The following SLC6A3 variants were observed in gnomAD, a reference collection of about 807,000 sequenced individuals.
SLC6A3 encodes sodium-dependent dopamine transporter.
SLC6A3 carries 19 observed loss-of-function variants against 70.4 expected under a neutral mutation model. That is an observed-to-expected ratio of 0.27 (90% CI 0.19 to 0.40). The LOEUF (loss-of-function observed/expected upper bound fraction) is 0.40. SLC6A3 is among the 10% of genes least tolerant of loss of function. The pLI, the probability that SLC6A3 is intolerant of heterozygous loss-of-function variation, is 1.00. For missense variants in SLC6A3, 613 were observed against 838.5 expected (o/e 0.73, Z 3.32); for synonymous variants, 368 against 356.6 (o/e 1.03, Z -0.36).
chr5:1,404,859 G>A lies in SLC6A3; in HGVS notation c.1599+1329C>T, dbSNP rs1278239614. 1.3e-5 allele frequency among the ~76,000 whole-genome samples: 2 copies of A among 152,230 alleles called. No individual in the cohort carries two copies. The highest frequency in any genetic ancestry group is 2.1e-4 in the South Asian group (1 of 4,834). Reference sequence around the variant, plus strand: ...CGAAGTGTGTTTCTGTATGAAGTTCGAAGATTTAGTCTAAGATCAGTAGAA... The same window carrying A: ...CGAAGTGTGTTTCTGTATGAAGTTCAAAGATTTAGTCTAAGATCAGTAGAA... On this transcript the variant is annotated intron_variant, in intron 12 of 14. Transcript: ENST00000270349. This position sits in a 1 kb window ranked among gnomAD's most constrained non-coding sequence, Gnocchi z 5.2.
chr5:1,440,428 T>C (rs1248856911), intron 3 of SLC6A3, among the ~76,000 whole-genome samples: 1 of 152,046 alleles, frequency 6.6e-6, no homozygotes, highest in African/African-American at 2.4e-5. Flanking sequence ...AATGGATTGA[T>C]AGGTGGATGG....
rs201684311 is a variant in SLC6A3 at position 1,443,147 on chromosome 5, C to T, written c.51G>A (p.Pro17=). Residue 17 remains proline (P), a synonymous_variant, in exon 2 of 15, where the codon CCG becomes CCA. Transcript: ENST00000270349. ...SVGLMSSVVA[P]AKEPNAVGPK... is the part of the protein sequence containing the mutation. The stretch of plus-strand genomic sequence containing the variant: ...GGCCCACGGCATTGGGCTCCTTAGC[C>T]GGGGCCACCACGGAAGACATGAGTC... 49 of 1,614,252 alleles carry T rather than the reference C, an allele frequency of 3.0e-5. No homozygotes were observed. Among genetic ancestry groups the T allele is most frequent in the Admixed American group, 5.0e-5 (3 of 60,034 alleles).
chr5:1,411,313 G>T lies in SLC6A3; in HGVS notation c.1199C>A (p.Thr400Lys). The T allele has an allele frequency of 1.3e-6, 2 of 1,554,176 alleles. No individual in the cohort carries two copies. The highest frequency in any genetic ancestry group is 1.7e-6 in the Non-Finnish European group (2 of 1,148,714). The change falls in exon 9 of 15, where the codon ACG becomes AAG. Residue 400 changes from threonine (T) to lysine (K), a missense_variant. By Grantham distance (78) the Thr-to-Lys change is moderately conservative (BLOSUM62 -1). Coordinates refer to ENST00000270349, the MANE Select transcript of SLC6A3 (RefSeq NM_001044.5). The surrounding 1 kb of genome is among the most constrained non-coding windows in gnomAD (Gnocchi z 6.5). ...IFIIYPEAIA[T>K]LPLSSAWAVV... The stretch of plus-strand genomic sequence containing the variant: ...GGCCCAGGCTGAGGACAGAGGGAGC[G>T]TGGCGATGGCTTCCGGGTAGATGAT...
intron 3 of SLC6A3, among the ~76,000 whole-genome samples, chr5:1,440,459 T>C (rs1473139307): frequency 6.6e-6 from 1 of 152,058 alleles, no homozygotes; most frequent in African/African-American, 2.4e-5. Flanking sequence ...AATAGATGGA[T>C]GAATGGGTAG....
chr5:1,439,138 T>A (rs1167520216), intron 3 of SLC6A3, among the ~76,000 whole-genome samples: 1 of 152,076 alleles, frequency 6.6e-6, no homozygotes, highest in Non-Finnish European at 1.5e-5. Context: ...CAGGCCTGGG[T>A]CTTCCGTTGG....
Position 1,412,122 on chromosome 5 carries a change from G to A in SLC6A3, c.1157-767C>T, listed in dbSNP as rs149462553. 1.1e-4 allele frequency among the ~76,000 whole-genome samples: 16 copies of A among 152,304 alleles called. No homozygotes were observed. The East Asian group carries it at 2.7e-3, about 26-fold the overall frequency. ...ATTTAGGGATACATTCCTGACCTCCGCCTTCCAGGCACATGAGGAAGCTGA... is the reference window on the plus strand; with the variant it reads ...ATTTAGGGATACATTCCTGACCTCCACCTTCCAGGCACATGAGGAAGCTGA... On this transcript the variant is annotated intron_variant, in intron 8 of 14. Transcript: ENST00000270349.
rs778481875 is a variant in SLC6A3 at position 1,400,952 on chromosome 5, C to T, written c.1802G>A (p.Arg601His). Residue 601 changes from arginine (R) to histidine (H), a missense_variant, in exon 14 of 15, where the codon CGT (arginine) becomes CAT (histidine). Physicochemically the swap from Arg to His is conservative, Grantham distance 29. This residue lies in a region of SLC6A3 where 348 missense variants were observed against 481.2 expected (regional missense o/e 0.72). Coordinates refer to ENST00000270349, the MANE Select transcript of SLC6A3 (RefSeq NM_001044.5). The part of the protein sequence containing the change: ...LAYAIAPEKD[R>H]ELVDRGEVRQ... ...CACCTCCCCTCTGTCCACCAGCTCACGGTCCTTCTCGGGTGCAATGGCGTA... is the reference window on the plus strand; with the variant it reads ...CACCTCCCCTCTGTCCACCAGCTCATGGTCCTTCTCGGGTGCAATGGCGTA... 8.1e-6 allele frequency: 13 copies of T among 1,596,398 alleles called. No homozygotes were observed. Among genetic ancestry groups the T allele is most frequent in the South Asian group, 4.5e-5 (4 of 88,626 alleles).
At chr5:1,435,526 G>C (rs2963244) in intron 3 of SLC6A3, among the ~76,000 whole-genome samples, 3,779 of 152,292 alleles carry the variant, frequency 0.025, 158 homozygotes, top group African/African-American at 0.087. Context: ...GGGCCACCAT[G>C]GGAGCATGAC....
chr5:1,441,402 C>A lies in SLC6A3; in HGVS notation c.375G>T (p.Arg125Ser). The change falls in exon 3 of 15, where the codon AGG (arginine) becomes AGT (serine). Residue 125 changes from arginine (R) to serine (S), a missense_variant. By Grantham distance (110) the Arg-to-Ser change is moderately radical. Transcript: ENST00000270349. Reference sequence around the variant, plus strand: ...TCTTCCAGACACCAGCGGCCCCTTCCCTGTTGAACTGGCCGAGGGCCAGCT... The same window carrying A: ...TCTTCCAGACACCAGCGGCCCCTTCACTGTTGAACTGGCCGAGGGCCAGCT... Reference protein sequence around the residue: ...YMELALGQFNREGAAGVWKIC... With the variant: ...YMELALGQFNSEGAAGVWKIC... 2 of 1,614,256 alleles carry A rather than the reference C, an allele frequency of 1.2e-6. No individual in the cohort carries two copies. Among genetic ancestry groups the A allele is most frequent in the Non-Finnish European group, 1.7e-6 (2 of 1,180,044 alleles).
intron 1 of SLC6A3, among the ~76,000 whole-genome samples, chr5:1,444,762 G>A (rs1733758652): frequency 6.6e-6 from 1 of 152,222 alleles, no homozygotes; most frequent in Admixed American, 6.5e-5. Flanking sequence ...GGCCTCAGAG[G>A]CGAGTTTTGG....
chr5:1,424,767 C>T (rs1157354009), intron 4 of SLC6A3, among the ~76,000 whole-genome samples: 1 of 152,250 alleles, frequency 6.6e-6, no homozygotes, highest in African/African-American at 2.4e-5. Flanking sequence ...AGACGCAGCA[C>T]CTTGACACAC....
chr5:1,440,886 G>C (rs1453710552), intron 3 of SLC6A3, among the ~76,000 whole-genome samples: 1 of 152,176 alleles, frequency 6.6e-6, no homozygotes. Flanking sequence ...CTCCCAGTTT[G>C]TGTCATTTGT....
Position 1,438,159 on chromosome 5 carries a change from C to T in SLC6A3, c.418+3200G>A, listed in dbSNP as rs1228878172. Reference sequence around the variant, plus strand: ...TCTTGCACTGATTCATCTATCCCTTCGTGGGTCGAACAGTTCACTTTCTGT... The same window carrying T: ...TCTTGCACTGATTCATCTATCCCTTTGTGGGTCGAACAGTTCACTTTCTGT... On this transcript the variant is annotated intron_variant, in intron 3 of 14. Coordinates refer to ENST00000270349, the MANE Select transcript of SLC6A3 (RefSeq NM_001044.5). This position sits in a 1 kb window ranked among gnomAD's most constrained non-coding sequence, Gnocchi z 6.5. 2.0e-5 allele frequency among the ~76,000 whole-genome samples: 3 copies of T among 152,238 alleles called. No homozygotes were observed. The highest frequency in any genetic ancestry group is 7.2e-5 in the African/African-American group (3 of 41,458).
chr5:1,437,225 T>G lies in SLC6A3; in HGVS notation c.418+4134A>C, dbSNP rs1220142502. On this transcript the variant is annotated intron_variant, in intron 3 of 14. Transcript: ENST00000270349. This position sits in a 1 kb window ranked among gnomAD's most constrained non-coding sequence, Gnocchi z 4.8. ...AAGATCGCGCCTTTGCACTCCAGCC[T>G]GGTGACAGAGCGAGATTCCGTCTCA... 1.4e-5 allele frequency among the ~76,000 whole-genome samples: 2 copies of G among 144,512 alleles called. No individual in the cohort carries two copies. Among genetic ancestry groups the G allele is most frequent in the South Asian group, 2.2e-4 (1 of 4,630 alleles). The allele number at this position is 144,512 out of a possible 152,430, so 94.8% of individuals were successfully genotyped here. A position where few individuals can be genotyped will look rare whatever the true frequency, so the allele number is the denominator to read the frequency against.
rs1755637356 is a variant in SLC6A3, at chr5:1,393,692, C to T, written c.*1043G>A. On this transcript the variant is annotated 3_prime_UTR_variant, in exon 15 of 15. Coordinates refer to ENST00000270349, the MANE Select transcript of SLC6A3 (RefSeq NM_001044.5). ...GCCCTGCATGCGTCCTGGGGTAGTA[C>T]ACGCTCCTGTGGGGGCCCTGCATGC... The T allele has an allele frequency of 8.8e-6, 1 of 114,232 alleles. No homozygotes were observed. The highest frequency in any genetic ancestry group is 2.6e-4 in the South Asian group (1 of 3,802). 7.1% of individuals were successfully genotyped at this position (114,232 alleles called of 1,614,324 possible). A position where few individuals can be genotyped will look rare whatever the true frequency, so the allele number is the denominator to read the frequency against.
Position 1,414,641 on chromosome 5 carries a change from C to G in SLC6A3, c.1156+50G>C, listed in dbSNP as rs28363073. ...AAGGAAAAAGGCTTTGCTGAGAGCT[C>G]GGCGCTGGTGCTACACGGAGCAGGC... On this transcript the variant is annotated intron_variant, in intron 8 of 14. Transcript: ENST00000270349. 25 of 1,604,050 alleles carry G rather than the reference C, an allele frequency of 1.6e-5. No individual in the cohort carries two copies. The South Asian group carries it at 2.1e-4, about 14-fold the overall frequency.
At chr5:1,435,921 G>C (rs1367886061) in intron 3 of SLC6A3, among the ~76,000 whole-genome samples, 1 of 146,054 alleles carries the variant, frequency 6.8e-6, no homozygotes, top group Non-Finnish European at 1.5e-5. Context: ...GCCTTGAACG[G>C]TGGTGGCCAG....
Position 1,404,991 on chromosome 5 carries a change from C to T in SLC6A3, c.1599+1197G>A, listed in dbSNP as rs1318900048. Among the ~76,000 whole-genome samples, 5 of 152,242 alleles carry T rather than the reference C, an allele frequency of 3.3e-5. No homozygotes were observed. The highest frequency in any genetic ancestry group is 6.5e-5 in the Admixed American group (1 of 15,284). On this transcript the variant is annotated intron_variant, in intron 12 of 14. Coordinates refer to ENST00000270349, the MANE Select transcript of SLC6A3 (RefSeq NM_001044.5). The surrounding 1 kb of genome is among the most constrained non-coding windows in gnomAD (Gnocchi z 5.2). ...AAAACAGCTCAGTTTCAACTAATGG[C>T]GGGGGAGAGCGGGAGGTGGGCAGGA...
rs1335143258 is a variant in SLC6A3, at chr5:1,404,142, C to T, written c.1600-1053G>A. The stretch of plus-strand genomic sequence containing the variant: ...TTCCACCTGAAAAGCATGTTGGACG[C>T]GTGTCTCATGCCAGTCTCAGCATCT... On this transcript the variant is annotated intron_variant, in intron 12 of 14. Transcript: ENST00000270349. This position sits in a 1 kb window ranked among gnomAD's most constrained non-coding sequence, Gnocchi z 5.2. Among the ~76,000 whole-genome samples the T allele has an allele frequency of 5.9e-5, 9 of 152,216 alleles. No homozygotes were observed. The highest frequency in any genetic ancestry group is 1.0e-4 in the Non-Finnish European group (7 of 68,038).
Sources: allele counts gnomAD v4.1 joint callset (sites outside exome capture counted in the v4.1 genomes callset), GRCh38; gene constraint gnomAD v4.1.1; regional missense constraint gnomAD v4.1.1; non-coding constraint Gnocchi (gnomAD v3.1); transcripts MANE v1.5; gene names NCBI Gene and HGNC (gene_info 2026-07-23, HGNC 2026-07-21).